CPNE8: variants seen among roughly 807,000 people sequenced by gnomAD.
The protein encoded by CPNE8 is copine 8, also known as copine-8.
In CPNE8, 45 loss-of-function variants were observed where a neutral mutation model predicts 81.5. The ratio of observed to expected loss-of-function variants is 0.55; its 90% confidence interval spans 0.44 to 0.71. CPNE8 has a LOEUF of 0.71. CPNE8 is among the 30% of genes least tolerant of loss of function. CPNE8 has a pLI of 0.00. For missense variants in CPNE8, 594 were observed against 672.1 expected (o/e 0.88, Z 1.28); for synonymous variants, 252 against 226.3 (o/e 1.11, Z -1.02).
At chr12:38,799,196 G>T (rs917444938) in intron 6 of CPNE8, among the ~76,000 whole-genome samples, 5 of 152,054 alleles carry the variant, frequency 3.3e-5, no homozygotes, top group Non-Finnish European at 2.9e-5. Context: ...GCACCAAGGG[G>T]ACCTAATAGA....
intron 3 of CPNE8, among the ~76,000 whole-genome samples, chr12:38,857,491 G>A (rs771618579): frequency 2.6e-5 from 4 of 152,068 alleles, no homozygotes; most frequent in African/African-American, 7.2e-5. Flanking sequence ...TATCAATGTC[G>A]ATATTCTGGT....
intron 10 of CPNE8, among the ~76,000 whole-genome samples, chr12:38,749,381 C>G (rs546209455): frequency 1.6e-4 from 24 of 150,888 alleles, no homozygotes; most frequent in Non-Finnish European, 3.4e-4. Context: ...AAATTGGTAC[C>G]AGTAGAGTGA....
chr12:38,872,991 G>C lies in CPNE8; in HGVS notation c.186+13C>G. The C allele has an allele frequency of 6.9e-7, 1 of 1,456,918 alleles. No homozygotes were observed. The highest frequency in any genetic ancestry group is 9.6e-7 in the Non-Finnish European group (1 of 1,042,908). 90.2% of individuals were successfully genotyped at this position (1,456,918 alleles called of 1,614,324 possible). ...CAAGCCCAGTGATTTTTTTAAAAAA[G>C]TTTTAAACTTACCTCTCTCCATTCT... is the stretch of plus-strand genomic sequence containing the variant. On this transcript the variant is annotated intron_variant, in intron 3 of 19. Transcript: ENST00000331366.
chr12:38,860,186 G>A (rs890259167), intron 3 of CPNE8, among the ~76,000 whole-genome samples: 6 of 151,354 alleles, frequency 4.0e-5, no homozygotes, highest in East Asian at 3.9e-4. Context: ...CAAAGAAATC[G>A]GAAACTCAGC....
At chr12:38,876,544 T>C (rs1459298198) in intron 1 of CPNE8, among the ~76,000 whole-genome samples, 1 of 148,920 alleles carries the variant, frequency 6.7e-6, no homozygotes, top group African/African-American at 2.4e-5. Flanking sequence ...AAACTTTACT[T>C]GTCACATTGT....
intron 19 of CPNE8, among the ~76,000 whole-genome samples, chr12:38,658,778 A>C (rs1369948242): frequency 1.3e-5 from 2 of 152,196 alleles, no homozygotes; most frequent in Non-Finnish European, 2.9e-5. Flanking sequence ...TTCAATCCAG[A>C]ATTTCATATC....
chr12:38,743,844 TTAAAA>T (rs1941165906), intron 10 of CPNE8, among the ~76,000 whole-genome samples: 1 of 152,084 alleles, frequency 6.6e-6, no homozygotes, highest in African/African-American at 2.4e-5. Flanking sequence ...TCAAAAAAAT[TTAAAA>T]TAAGTAAAAG....
Position 38,795,429 on chromosome 12 carries a change from T to C in CPNE8, c.408-19128A>G, listed in dbSNP as rs151159530. On this transcript the variant is annotated intron_variant, in intron 6 of 19. Coordinates refer to ENST00000331366, the MANE Select transcript of CPNE8 (RefSeq NM_153634.3). ...TTGAAGAGATATTTGCACACCTATG[T>C]TAATAGCGGCACTATTCACAATATC... is the stretch of plus-strand genomic sequence containing the variant. 2.0e-3 allele frequency among the ~76,000 whole-genome samples: 306 copies of C among 152,320 alleles called. 2 individuals are homozygous for C. Among genetic ancestry groups the C allele is most frequent in the African/African-American group, 7.2e-3 (300 of 41,570 alleles).
At chr12:38,846,102 A>AGATAAATGT (rs1271851124) in intron 4 of CPNE8, among the ~76,000 whole-genome samples, 1 of 152,180 alleles carries the variant, frequency 6.6e-6, no homozygotes, top group Non-Finnish European at 1.5e-5. Context: ...TGACACTCTG[A>AGATAAATGT]GATAAATGTT....
chr12:38,669,306 A>G (rs1250482999), intron 19 of CPNE8, among the ~76,000 whole-genome samples: 1 of 152,166 alleles, frequency 6.6e-6, no homozygotes, highest in Non-Finnish European at 1.5e-5. Flanking sequence ...TTTGATCTTT[A>G]TCAATGTTAC....
Position 38,653,953 on chromosome 12 carries a change from G to C in CPNE8, c.1624C>G (p.Arg542Gly), listed in dbSNP as rs1355427940. 4 of 1,613,554 alleles carry C rather than the reference G, an allele frequency of 2.5e-6. No homozygotes were observed. The highest frequency in any genetic ancestry group is 3.4e-6 in the Non-Finnish European group (4 of 1,179,916). Residue 542 changes from arginine to glycine, a missense_variant, in exon 20 of 20, where the codon CGA (arginine) becomes GGA (glycine). Transcript: ENST00000331366. ...PEQFLSYMRA[R>G]GIKPSPAPPP... ...GGCGCAGGTGATGGCTTGATTCCTCGGGCTCTCATATAGGAGAGAAACTGC... is the reference window on the plus strand; with the variant it reads ...GGCGCAGGTGATGGCTTGATTCCTCCGGCTCTCATATAGGAGAGAAACTGC...
At chr12:38,900,874 G>A (rs190343777) in intron 1 of CPNE8, among the ~76,000 whole-genome samples, 69 of 152,224 alleles carry the variant, frequency 4.5e-4, no homozygotes, top group African/African-American at 1.3e-3. Context: ...CTAGCACCAC[G>A]TAGGCACTCA....
chr12:38,881,660 T>A (rs1009025313), intron 1 of CPNE8, among the ~76,000 whole-genome samples: 1 of 152,194 alleles, frequency 6.6e-6, no homozygotes, highest in Non-Finnish European at 1.5e-5. Context: ...ACTGTAAAAT[T>A]TTTTATATTC....
At position 38,764,143 on chromosome 12, in the gene CPNE8, T is replaced by A. The variant is rs183650176; in HGVS notation, c.576-1927A>T. On this transcript the variant is annotated intron_variant, in intron 8 of 19. Coordinates refer to ENST00000331366, the MANE Select transcript of CPNE8 (RefSeq NM_153634.3). Reference sequence around the variant, plus strand: ...CAGAGCTGACTCACCTGAAGCAATTTAGGAGTCAATGGGGGAAAAGGCATT... The same window carrying A: ...CAGAGCTGACTCACCTGAAGCAATTAAGGAGTCAATGGGGGAAAAGGCATT... Among the ~76,000 whole-genome samples, 31 of 152,124 alleles carry A rather than the reference T, an allele frequency of 2.0e-4. No homozygotes were observed. In the East Asian group the frequency reaches 3.7e-3, roughly 18 times the overall value.
At chr12:38,821,702 G>A (rs1231999798) in intron 6 of CPNE8, among the ~76,000 whole-genome samples, 1 of 152,150 alleles carries the variant, frequency 6.6e-6, no homozygotes. Flanking sequence ...TCATCTGTAT[G>A]ACTTTAGTTG....
At chr12:38,831,414 C>T in intron 5 of CPNE8, among the ~76,000 whole-genome samples, 1 of 152,042 alleles carries the variant, frequency 6.6e-6, no homozygotes, top group East Asian at 1.9e-4. Context: ...AACTAGAAGC[C>T]AGATCAATCA....
chr12:38,824,620 T>C (rs903748911), intron 6 of CPNE8, among the ~76,000 whole-genome samples: 2 of 149,520 alleles, frequency 1.3e-5, no homozygotes, highest in Non-Finnish European at 3.0e-5. Flanking sequence ...AGAATATAAA[T>C]GGGAAACTAA....
At chr12:38,904,481 T>G (rs990098524) in intron 1 of CPNE8, among the ~76,000 whole-genome samples, 9 of 150,818 alleles carry the variant, frequency 6.0e-5, no homozygotes, top group African/African-American at 2.0e-4. Context: ...TTTTTTTTTT[T>G]TTTTTGAGAT....
chr12:38,790,922 C>T (rs1942308020), intron 6 of CPNE8, among the ~76,000 whole-genome samples: 1 of 151,438 alleles, frequency 6.6e-6, no homozygotes, highest in Non-Finnish European at 1.5e-5. Context: ...TACTATTTCT[C>T]CTTTATATCT....
Sources: gnomAD v4.1 joint callset for allele counts (sites outside exome capture counted in the v4.1 genomes callset) on GRCh38, gnomAD v4.1.1 for gene constraint, MANE v1.5 for transcripts, NCBI Gene and HGNC (gene_info 2026-07-23, HGNC 2026-07-21) for gene names.